The following RNF228 variants were observed in gnomAD, a reference collection of about 807,000 sequenced individuals.
RNF228 encodes the protein ring finger protein 228.
chr2:222,317,127 AG>A, the RNF228 span: 1 of 152,218 alleles, frequency 6.6e-6, no homozygotes, highest in African/African-American at 2.4e-5. Context: ...TTTCTCTCTC[AG>A]CCCCATTTAA....
At chr2:222,314,462 C>T in the RNF228 span, among the ~76,000 whole-genome samples, 2 of 152,182 alleles carry the variant, frequency 1.3e-5, no homozygotes, top group African/African-American at 4.8e-5. Flanking sequence ...ATTAGCTGCT[C>T]CTCAAACAAA....
chr2:222,319,667 G>C, the RNF228 span, among the ~76,000 whole-genome samples: 1 of 146,358 alleles, frequency 6.8e-6, no homozygotes, highest in Non-Finnish European at 1.5e-5. This position sits in a 1 kb window ranked among gnomAD's most constrained non-coding sequence, Gnocchi z 7.6. Context: ...CGTGCACGCG[G>C]CTGTCGGGCA....
the RNF228 span, among the ~76,000 whole-genome samples, chr2:222,314,301 T>A: frequency 6.6e-6 from 1 of 152,348 alleles, no homozygotes; most frequent in Non-Finnish European, 1.5e-5. Flanking sequence ...CAATATATAT[T>A]ACAAAGCTTA....
the RNF228 span, among the ~76,000 whole-genome samples, chr2:222,319,792 G>T: frequency 6.7e-6 from 1 of 148,912 alleles, no homozygotes; most frequent in African/African-American, 2.4e-5. This position sits in a 1 kb window ranked among gnomAD's most constrained non-coding sequence, Gnocchi z 7.6. Flanking sequence ...GCGGCGGCGC[G>T]GAGCTGCAGC....
At chr2:222,314,739 A>G in the RNF228 span, among the ~76,000 whole-genome samples, 1 of 152,258 alleles carries the variant, frequency 6.6e-6, no homozygotes, top group Non-Finnish European at 1.5e-5. Context: ...AAAATTAGCA[A>G]TTCTATGAAT....
At chr2:222,319,319 G>A in the RNF228 span, 1 of 354,314 alleles carries the variant, frequency 2.8e-6, no homozygotes, top group East Asian at 4.0e-5. This position sits in a 1 kb window ranked among gnomAD's most constrained non-coding sequence, Gnocchi z 7.6. Flanking sequence ...GGCCGGTGAA[G>A]AGCAGCACCA....
chr2:222,317,159 GA>G, the RNF228 span: 1 of 152,168 alleles, frequency 6.6e-6, no homozygotes, highest in Non-Finnish European at 1.5e-5. Context: ...TTTGGATTTA[GA>G]AGGGGACATG....
chr2:222,315,798 T>C, the RNF228 span, among the ~76,000 whole-genome samples: 1 of 152,238 alleles, frequency 6.6e-6, no homozygotes, highest in African/African-American at 2.4e-5. Context: ...AATCATATTG[T>C]ATTCAGAGAC....
the RNF228 span, chr2:222,319,252 C>T: frequency 6.0e-6 from 2 of 332,838 alleles, no homozygotes; most frequent in Admixed American, 4.9e-5. This position sits in a 1 kb window ranked among gnomAD's most constrained non-coding sequence, Gnocchi z 7.6. Context: ...GGTGCCTCGC[C>T]AGGGGGCGCC....
the RNF228 span, among the ~76,000 whole-genome samples, chr2:222,314,646 C>T: frequency 1.3e-5 from 2 of 152,048 alleles, no homozygotes; most frequent in Non-Finnish European, 2.9e-5. Flanking sequence ...AAAGAGGGTA[C>T]GAGTTGAATC....
chr2:222,315,866 A>G, the RNF228 span, among the ~76,000 whole-genome samples: 2 of 152,180 alleles, frequency 1.3e-5, no homozygotes, highest in South Asian at 4.1e-4. Context: ...TGTAGATCCT[A>G]TGAAAGCATG....
At chr2:222,315,479 G>A in the RNF228 span, among the ~76,000 whole-genome samples, 2 of 152,136 alleles carry the variant, frequency 1.3e-5, no homozygotes, top group Non-Finnish European at 2.9e-5. Context: ...GACCTCTCTG[G>A]GGAGGTAATA....
the RNF228 span, chr2:222,319,253 AG>A: frequency 2.7e-5 from 9 of 332,064 alleles, no homozygotes; most frequent in Non-Finnish European, 3.3e-5. The surrounding 1 kb of genome is among the most constrained non-coding windows in gnomAD (Gnocchi z 7.6). Context: ...GTGCCTCGCC[AG>A]GGGGCGCCCC....
the RNF228 span, among the ~76,000 whole-genome samples, chr2:222,316,685 G>C: frequency 6.6e-6 from 1 of 152,196 alleles, no homozygotes; most frequent in Non-Finnish European, 1.5e-5. Context: ...GTTGTTACCA[G>C]TATGCATATA....
the RNF228 span, chr2:222,319,241 C>G: frequency 3.0e-6 from 1 of 329,086 alleles, no homozygotes; most frequent in African/African-American, 2.2e-5. This position sits in a 1 kb window ranked among gnomAD's most constrained non-coding sequence, Gnocchi z 7.6. Flanking sequence ...ACCCGGTGGC[C>G]GGTGCCTCGC....
At chr2:222,318,935 G>A in the RNF228 span, 64,101 of 152,472 alleles carry the variant, frequency 0.42, 14,535 homozygotes, top group Admixed American at 0.6. Context: ...CAGGGAGAGG[G>A]TGCAGAAGCT....
the RNF228 span, among the ~76,000 whole-genome samples, chr2:222,316,100 T>C: frequency 6.6e-6 from 1 of 152,222 alleles, no homozygotes; most frequent in Non-Finnish European, 1.5e-5. Context: ...GACAACTTAC[T>C]TGCTATTTCA....
At chr2:222,318,437 C>T in the RNF228 span, 1 of 152,284 alleles carries the variant, frequency 6.6e-6, no homozygotes, top group Non-Finnish European at 1.5e-5. Flanking sequence ...CCGTCACTCT[C>T]AGCGCTCAGG....
At chr2:222,316,671 C>T in the RNF228 span, among the ~76,000 whole-genome samples, 6 of 152,292 alleles carry the variant, frequency 3.9e-5, no homozygotes, top group African/African-American at 1.4e-4. Flanking sequence ...AGCCACAAAG[C>T]CAAGTTGTTA....
Sources: gnomAD v4.1 joint callset for allele counts (sites outside exome capture counted in the v4.1 genomes callset) on GRCh38, gnomAD v4.1.1 for gene constraint, Gnocchi (gnomAD v3.1) non-coding constraint, MANE v1.5 for transcripts, NCBI Gene and HGNC (gene_info 2026-07-23, HGNC 2026-07-21) for gene names.